Variants in ATRNL1 observed in about 807,000 individuals in gnomAD.
ATRNL1 encodes the protein attractin like 1.
ATRNL1 carries 95 observed loss-of-function variants against 182.7 expected under a neutral mutation model. The observed-to-expected ratio is 0.52, with a 90% CI of 0.44 to 0.62. The LOEUF (loss-of-function observed/expected upper bound fraction) is 0.62, where lower values mean the gene tolerates loss of function less well. ATRNL1 is among the 20% of genes least tolerant of loss of function. The probability of loss-of-function intolerance (pLI) is 0.00; values close to 1 mark genes in which losing one functional copy is unlikely to be tolerated. For missense variants in ATRNL1, 1,471 were observed against 1,679.5 expected (o/e 0.88, Z 2.17); for synonymous variants, 576 against 568.3 (o/e 1.01, Z -0.19).
chr10:115,886,501 C>T (rs112514720), intron 28 of ATRNL1, among the ~76,000 whole-genome samples: 5 of 152,058 alleles, frequency 3.3e-5, no homozygotes, highest in East Asian at 1.9e-4. Flanking sequence ...GCAACAAGAG[C>T]GAAACTGTCT....
chr10:115,160,997 A>G (rs990666785), intron 6 of ATRNL1, among the ~76,000 whole-genome samples: 1 of 151,960 alleles, frequency 6.6e-6, no homozygotes, highest in Non-Finnish European at 1.5e-5. Context: ...CTTGAATTTC[A>G]GATAAAAAAC....
At chr10:115,883,803 T>G (rs1335127029) in intron 28 of ATRNL1, among the ~76,000 whole-genome samples, 1 of 152,234 alleles carries the variant, frequency 6.6e-6, no homozygotes, top group Non-Finnish European at 1.5e-5. Context: ...GGCCTGGGCC[T>G]TCTGCCTGGG....
chr10:115,617,732 G>A (rs1255058249), intron 26 of ATRNL1, among the ~76,000 whole-genome samples: 9 of 152,146 alleles, frequency 5.9e-5, no homozygotes, highest in African/African-American at 2.2e-4. Flanking sequence ...CTGGACTGTG[G>A]GCTTTTGAGT....
At chr10:115,747,786 A>G (rs1948335611) in intron 27 of ATRNL1, among the ~76,000 whole-genome samples, 4 of 151,994 alleles carry the variant, frequency 2.6e-5, no homozygotes, top group Admixed American at 2.6e-4. Context: ...TTACAATTTC[A>G]GGGACTGGTA....
chr10:115,824,593 C>G (rs189160867), intron 27 of ATRNL1, among the ~76,000 whole-genome samples: 2 of 152,120 alleles, frequency 1.3e-5, no homozygotes, highest in African/African-American at 4.8e-5. Flanking sequence ...AAAACCCCAT[C>G]AAAAAGTGGG....
intron 26 of ATRNL1, chr10:115,597,674 C>T (rs138073433): frequency 0.022 from 9,998 of 445,550 alleles, 180 homozygotes; most frequent in Non-Finnish European, 0.032. Context: ...CTGGGTCAAG[C>T]AATTCTCCAT....
intron 9 of ATRNL1, among the ~76,000 whole-genome samples, 195 bp downstream of exon 9, chr10:115,216,075 T>G (rs1554896190): frequency 6.6e-6 from 1 of 152,218 alleles, no homozygotes; most frequent in Non-Finnish European, 1.5e-5. Context: ...TGTTCTTCTT[T>G]GCACTCATAT....
intron 25 of ATRNL1, among the ~76,000 whole-genome samples, chr10:115,538,880 T>C (rs1393094085): frequency 3.3e-5 from 5 of 152,334 alleles, no homozygotes; most frequent in Non-Finnish European, 5.9e-5. Flanking sequence ...TAAGATTATA[T>C]TACTATATGT....
chr10:115,899,330 C>T (rs564434825), intron 28 of ATRNL1, among the ~76,000 whole-genome samples: 50 of 152,146 alleles, frequency 3.3e-4, no homozygotes, highest in Non-Finnish European at 5.6e-4. Context: ...GTTTTTGAGA[C>T]GGAGTTTCGC....
intron 27 of ATRNL1, among the ~76,000 whole-genome samples, chr10:115,822,570 C>A (rs191590783): frequency 0.017 from 2,476 of 148,570 alleles, 84 homozygotes; most frequent in African/African-American, 0.057. Context: ...AAGAATCAAA[C>A]AGACACAATA....
At chr10:115,773,973 C>T (rs1949057520) in intron 27 of ATRNL1, among the ~76,000 whole-genome samples, 1 of 152,106 alleles carries the variant, frequency 6.6e-6, no homozygotes, top group African/African-American at 2.4e-5. Context: ...TTGGACCTCT[C>T]CCTTAAACCT....
At chr10:115,139,668 C>A (rs1397738347) in intron 5 of ATRNL1, among the ~76,000 whole-genome samples, 1 of 152,144 alleles carries the variant, frequency 6.6e-6, no homozygotes, top group African/African-American at 2.4e-5. Flanking sequence ...GAGGACACAA[C>A]CAAACCATAT....
At chr10:115,852,601 G>A (rs1951081784) in intron 28 of ATRNL1, among the ~76,000 whole-genome samples, 1 of 152,246 alleles carries the variant, frequency 6.6e-6, no homozygotes, top group East Asian at 1.9e-4. Flanking sequence ...GGTAAATGCA[G>A]CTAGTGAGTG....
intron 8 of ATRNL1, among the ~76,000 whole-genome samples, chr10:115,201,837 A>G (rs1468519113): frequency 1.3e-5 from 2 of 152,082 alleles, no homozygotes; most frequent in Non-Finnish European, 2.9e-5. Context: ...GGCCATTTTC[A>G]CGATATTGAT....
chr10:115,927,070 G>T (rs1249070092), intron 28 of ATRNL1, among the ~76,000 whole-genome samples: 1 of 152,098 alleles, frequency 6.6e-6, no homozygotes, highest in Non-Finnish European at 1.5e-5. Flanking sequence ...TATCCACCAC[G>T]ATCAAGTCAG....
chr10:115,483,592 T>C (rs1475788929), intron 24 of ATRNL1, among the ~76,000 whole-genome samples: 1 of 151,560 alleles, frequency 6.6e-6, no homozygotes, highest in Admixed American at 6.6e-5. Context: ...TTACAAATTG[T>C]AACTCAGTTA....
chr10:115,656,034 A>G (rs1555035763), intron 26 of ATRNL1, among the ~76,000 whole-genome samples: 1 of 152,136 alleles, frequency 6.6e-6, no homozygotes, highest in Non-Finnish European at 1.5e-5. Context: ...GGATCCCATG[A>G]CCAGGACAAC....
At chr10:115,410,536 G>A (rs1039118203) in intron 20 of ATRNL1, among the ~76,000 whole-genome samples, 10 of 151,904 alleles carry the variant, frequency 6.6e-5, no homozygotes, top group African/African-American at 1.5e-4. Flanking sequence ...GGCCAGGATG[G>A]TCTCGATCTC....
intron 26 of ATRNL1, among the ~76,000 whole-genome samples, chr10:115,562,073 A>G (rs1337003978): frequency 1.3e-5 from 2 of 152,180 alleles, no homozygotes; most frequent in Non-Finnish European, 2.9e-5. Context: ...TTTTACGTTA[A>G]TGTTTATAGC....
Sources: allele counts gnomAD v4.1 joint callset (sites outside exome capture counted in the v4.1 genomes callset), GRCh38; gene constraint gnomAD v4.1.1; transcripts MANE v1.5; gene names NCBI Gene and HGNC (gene_info 2026-07-23, HGNC 2026-07-21).